The following PATJ variants were observed in gnomAD, a reference collection of about 807,000 sequenced individuals.
PATJ encodes inaD-like protein.
PATJ carries 190 observed loss-of-function variants against 224.9 expected under a neutral mutation model. That is an observed-to-expected ratio of 0.84 (90% CI 0.75 to 0.95). The LOEUF (loss-of-function observed/expected upper bound fraction) is 0.95. PATJ is among the 40% of genes least tolerant of loss of function. The pLI is 0.00. For missense variants in PATJ, 2,121 were observed against 2,270.3 expected (o/e 0.93, Z 1.34); for synonymous variants, 769 against 820.3 (o/e 0.94, Z 1.07).
intron 27 of PATJ, among the ~76,000 whole-genome samples, chr1:61,985,481 CTTTAA>C (rs1344855095): frequency 6.6e-6 from 1 of 152,040 alleles, no homozygotes; most frequent in Admixed American, 6.5e-5. Context: ...ATTTTACCGT[CTTTAA>C]TTGTATTGTT....
intron 39 of PATJ, among the ~76,000 whole-genome samples, chr1:62,123,563 C>G (rs1223581666): frequency 6.8e-6 from 1 of 147,250 alleles, no homozygotes; most frequent in African/African-American, 2.5e-5. Context: ...CTGCAAGCTC[C>G]ACCTCCTGGG....
chr1:62,138,316 T>C (rs919425418), intron 41 of PATJ, among the ~76,000 whole-genome samples: 1 of 152,044 alleles, frequency 6.6e-6, no homozygotes, highest in African/African-American at 2.4e-5. Flanking sequence ...AGTTTTCTGT[T>C]TGTTTGTTTG....
rs145300268 is a variant in PATJ, at chr1:62,153,614, T to A, written c.5502+133T>A. ...GTATGCTCATTTCATTTGAATCTTA[T>A]AGGAAATTCTCACACAGGAATAGTG... is the stretch of plus-strand genomic sequence containing the variant. On this transcript the variant is annotated intron_variant, in intron 43 of 43. Coordinates refer to ENST00000642238, the MANE Select transcript of PATJ (RefSeq NM_001350145.3). 3.0e-4 allele frequency: 145 copies of A among 486,198 alleles called. 1 individual carries two copies. Among genetic ancestry groups the A allele is most frequent in the African/African-American group, 2.5e-3 (125 of 50,194 alleles). 30.1% of individuals were successfully genotyped at this position (486,198 alleles called of 1,614,324 possible). A position where few individuals can be genotyped will look rare whatever the true frequency, so the allele number is the denominator to read the frequency against.
chr1:61,750,741 A>AT (rs34386935), intron 1 of PATJ, among the ~76,000 whole-genome samples: 2 of 151,196 alleles, frequency 1.3e-5, no homozygotes, highest in Non-Finnish European at 3.0e-5. Flanking sequence ...CGCCCGACCC[A>AT]TTTTTCGGCG....
intron 28 of PATJ, among the ~76,000 whole-genome samples, chr1:62,001,450 C>A (rs987614998): frequency 6.7e-6 from 1 of 149,638 alleles, no homozygotes; most frequent in Admixed American, 6.6e-5. Context: ...ATAGGGAATC[C>A]TTTCCCCATT....
At chr1:61,859,863 A>G (rs975150341) in intron 18 of PATJ, among the ~76,000 whole-genome samples, 2 of 151,858 alleles carry the variant, frequency 1.3e-5, no homozygotes, top group African/African-American at 4.8e-5. Context: ...CAGGTGATCC[A>G]CCCGCCTCGG....
At chr1:61,903,693 TA>T (rs963007822) in intron 24 of PATJ, among the ~76,000 whole-genome samples, 1 of 152,164 alleles carries the variant, frequency 6.6e-6, no homozygotes, top group African/African-American at 2.4e-5. Flanking sequence ...GTATTCCTAT[TA>T]GTTACTTTTT....
At position 62,043,626 on chromosome 1, in the gene PATJ, A is replaced by G. The variant is rs201980798; in HGVS notation, c.4032+5577A>G. Among the ~76,000 whole-genome samples, 12 of 152,276 alleles carry G rather than the reference A, an allele frequency of 7.9e-5. No individual in the cohort carries two copies. In the East Asian group the frequency reaches 1.7e-3, roughly 22 times the overall value. On this transcript the variant is annotated intron_variant, in intron 30 of 43. Transcript: ENST00000642238. The stretch of plus-strand genomic sequence containing the variant: ...AGCATCTTCCATTTTTAATAGTTAC[A>G]TACAAAACAGGATTTTTTTTCCTTT...
intron 30 of PATJ, among the ~76,000 whole-genome samples, chr1:62,044,928 T>C (rs1224428067): frequency 6.6e-6 from 1 of 152,132 alleles, no homozygotes; most frequent in Non-Finnish European, 1.5e-5. Context: ...TTAGAAAATA[T>C]GGGAATGGGC....
chr1:61,823,745 T>C (rs1040694267), intron 15 of PATJ, among the ~76,000 whole-genome samples: 7 of 152,326 alleles, frequency 4.6e-5, no homozygotes, highest in African/African-American at 1.7e-4. Flanking sequence ...GAGATTTTTT[T>C]TTTCTAAAAT....
At chr1:61,821,227 AG>A (rs1363158187) in intron 14 of PATJ, among the ~76,000 whole-genome samples, 1 of 151,852 alleles carries the variant, frequency 6.6e-6, no homozygotes, top group Non-Finnish European at 1.5e-5. Flanking sequence ...TTGTATTTTT[AG>A]TAGAGACAGG....
At chr1:61,796,205 CT>C (rs1651063747) in intron 10 of PATJ, among the ~76,000 whole-genome samples, 1 of 152,118 alleles carries the variant, frequency 6.6e-6, no homozygotes. Context: ...CTTTAAAAGC[CT>C]TATGGGGAAA....
chr1:62,079,248 G>A (rs1658852288), intron 31 of PATJ, among the ~76,000 whole-genome samples: 1 of 152,082 alleles, frequency 6.6e-6, no homozygotes, highest in Admixed American at 6.6e-5. Flanking sequence ...CTTCATCAAA[G>A]CATTTTAGTT....
intron 29 of PATJ, among the ~76,000 whole-genome samples, chr1:62,028,448 C>T (rs1226374514): frequency 1.3e-5 from 2 of 152,176 alleles, no homozygotes; most frequent in African/African-American, 4.8e-5. Flanking sequence ...ATCCATTCCC[C>T]CATTGAATGG....
chr1:61,914,683 G>A lies in PATJ; in HGVS notation c.3570+19G>A. On this transcript the variant is annotated intron_variant, in intron 26 of 43. Coordinates refer to ENST00000642238, the MANE Select transcript of PATJ (RefSeq NM_001350145.3). ...AGAAAAGGTAACTTGAACCTCTCAA[G>A]GATTTAAAAAATGTTTTTGTTTTGT... 6.9e-7 allele frequency: 1 copy of A among 1,450,860 alleles called. No homozygotes were observed. Among genetic ancestry groups the A allele is most frequent in the African/African-American group, 1.4e-5 (1 of 70,826 alleles). 89.9% of individuals were successfully genotyped at this position (1,450,860 alleles called of 1,614,324 possible).
intron 22 of PATJ, 68 bp downstream of exon 22, chr1:61,884,476 T>A: frequency 1.0e-6 from 1 of 977,806 alleles, no homozygotes; most frequent in Non-Finnish European, 1.4e-6. Context: ...TTTTTTTTGC[T>A]TAAAAAATGC....
intron 19 of PATJ, among the ~76,000 whole-genome samples, chr1:61,862,054 G>C (rs1423691075): frequency 6.6e-6 from 1 of 152,042 alleles, no homozygotes; most frequent in Admixed American, 6.6e-5. Flanking sequence ...GTAGAGATGA[G>C]GTTTTATCAC....
intron 27 of PATJ, among the ~76,000 whole-genome samples, chr1:61,956,087 G>T (rs1571493625): frequency 6.6e-6 from 1 of 152,160 alleles, no homozygotes; most frequent in East Asian, 1.9e-4. Context: ...AGTATCAGAG[G>T]CATGCCATGA....
chr1:61,782,849 A>G (rs570513497), intron 7 of PATJ, among the ~76,000 whole-genome samples: 2 of 152,204 alleles, frequency 1.3e-5, no homozygotes, highest in Non-Finnish European at 2.9e-5. Flanking sequence ...CAGGCAGTGT[A>G]AAACCCTTGA....
Sources: gnomAD v4.1 joint callset for allele counts (sites outside exome capture counted in the v4.1 genomes callset) on GRCh38, gnomAD v4.1.1 for gene constraint, MANE v1.5 for transcripts, NCBI Gene and HGNC (gene_info 2026-07-23, HGNC 2026-07-21) for gene names.